HNRNPL: variants seen among roughly 807,000 people sequenced by gnomAD.
HNRNPL encodes epididymis secretory sperm binding protein.
In HNRNPL, 12 loss-of-function variants were observed where a neutral mutation model predicts 64.0. The observed-to-expected ratio is 0.19, with a 90% CI of 0.12 to 0.30. The LOEUF (loss-of-function observed/expected upper bound fraction) is 0.30, where lower values mean the gene tolerates loss of function less well. HNRNPL is among the 10% of genes least tolerant of loss of function. The pLI is 1.00. For missense variants in HNRNPL, 484 were observed against 797.4 expected (o/e 0.61, Z 4.73); for synonymous variants, 385 against 313.0 (o/e 1.23, Z -2.43).
At chr19:38,849,217 G>A (rs542154930) in intron 1 of HNRNPL, 21 of 162,788 alleles carry the variant, frequency 1.3e-4, no homozygotes, top group Non-Finnish European at 2.0e-4. Context: ...TTTCTGTATA[G>A]ACACAAGGCT....
At chr19:38,837,282 T>C in intron 12 of HNRNPL, 102 bp downstream of exon 12, 1 of 880,124 alleles carries the variant, frequency 1.1e-6, no homozygotes, top group Non-Finnish European at 1.9e-6. Flanking sequence ...AGTGCGAAGA[T>C]CCCGGGGTCC....
chr19:38,849,477 C>G, intron 1 of HNRNPL: 3 of 539,424 alleles, frequency 5.6e-6, no homozygotes, highest in Non-Finnish European at 8.4e-6. Context: ...GAGCTACTTC[C>G]TCTGCGCTCC....
At chr19:38,841,631 TGA>T (rs1180945186) in intron 6 of HNRNPL, 1 of 1,281,638 alleles carries the variant, frequency 7.8e-7, no homozygotes. Flanking sequence ...GCTTCAACAG[TGA>T]GTTAGCACAG....
intron 1 of HNRNPL, 188 bp downstream of exon 1, chr19:38,849,512 G>T: frequency 1.3e-6 from 1 of 773,780 alleles, no homozygotes; most frequent in Non-Finnish European, 1.8e-6. Context: ...CGGACCCCGC[G>T]CACGCGCAGG....
upstream of HNRNPL, among the ~76,000 whole-genome samples, chr19:38,851,621 G>A (rs1186338610): frequency 6.6e-6 from 1 of 152,224 alleles, no homozygotes; most frequent in African/African-American, 2.4e-5. Context: ...AATGGAGGCC[G>A]TGTGTGGTGG....
chr19:38,851,316 G>T (rs1006197915), upstream of HNRNPL, among the ~76,000 whole-genome samples: 1 of 152,240 alleles, frequency 6.6e-6, no homozygotes, highest in African/African-American at 2.4e-5. Flanking sequence ...GCGGAGCCTG[G>T]GGGGTGGAGA....
intron 10 of HNRNPL, 97 bp from the exon 11 acceptor site, chr19:38,837,748 TTTTCAGGAGA>T: frequency 9.7e-7 from 1 of 1,026,534 alleles, no homozygotes; most frequent in Non-Finnish European, 1.5e-6. Context: ...GTACTTGAAG[TTTTCAGGAGA>T]AAAGGCTTGT....
chr19:38,844,224 G>A (rs534954873), intron 4 of HNRNPL, 120 bp from the exon 5 acceptor site: 4 of 678,568 alleles, frequency 5.9e-6, no homozygotes, highest in Non-Finnish European at 7.8e-6. Flanking sequence ...GAAGCTTTGG[G>A]ATTAGCTCAC....
At chr19:38,840,972 C>T in intron 6 of HNRNPL, 1 of 204,122 alleles carries the variant, frequency 4.9e-6, no homozygotes, top group Non-Finnish European at 9.8e-6. Flanking sequence ...AAAATAACCC[C>T]AGAGGGAAGC....
At chr19:38,841,554 C>G in intron 6 of HNRNPL, 2 of 721,616 alleles carry the variant, frequency 2.8e-6, no homozygotes, top group South Asian at 2.9e-5. Flanking sequence ...CTACTTACAG[C>G]AGAAGTACAG....
rs886177840 is a variant in HNRNPL, at chr19:38,839,681, G to A, written c.1233+415C>T. ...CGGGTTTAATGTTAAGCAAAATGCC[G>A]CCTGGTCTCAGGTAGACACTCAGCC... On this transcript the variant is annotated intron_variant, in intron 8 of 12. Coordinates refer to ENST00000221419, the MANE Select transcript of HNRNPL (RefSeq NM_001533.3). The A allele has an allele frequency of 2.1e-5, 4 of 191,982 alleles. No individual in the cohort carries two copies. In the South Asian group the frequency reaches 2.5e-4, roughly 12 times the overall value. 11.9% of individuals were successfully genotyped at this position (191,982 alleles called of 1,614,324 possible).
chr19:38,849,598 G>C (rs890405583), intron 1 of HNRNPL, 102 bp downstream of exon 1: 14 of 1,272,160 alleles, frequency 1.1e-5, no homozygotes, highest in Non-Finnish European at 1.4e-5. Flanking sequence ...GCGATGGCCT[G>C]GGCGCGTGCG....
chr19:38,840,325 G>C lies in HNRNPL; in HGVS notation c.1004C>G (p.Pro335Arg), dbSNP rs1367670434. The C allele has an allele frequency of 1.3e-6, 2 of 1,545,048 alleles. No individual in the cohort carries two copies. Among genetic ancestry groups the C allele is most frequent in the South Asian group, 1.2e-5 (1 of 81,796 alleles). The change falls in exon 8 of 13, where the codon CCC (proline) becomes CGC (arginine). Residue 335 changes from proline (P) to arginine (R), a missense_variant. Pro to Arg is a moderately radical substitution (Grantham distance 103, BLOSUM62 -2). This residue lies in a region of HNRNPL where 46 missense variants were observed against 37.4 expected (regional missense o/e 1.23). Transcript: ENST00000221419. Reference sequence around the variant, plus strand: ...TCTCCCTTCGTAGTGAGGTGGGGGGGGCCCGTAGCCCTCATCATGGTAATG... The same window carrying C: ...TCTCCCTTCGTAGTGAGGTGGGGGGCGCCCGTAGCCCTCATCATGGTAATG... ...HSHYHDEGYG[P>R]PPPHYEGRRM...
At chr19:38,849,294 C>G (rs2145439600) in intron 1 of HNRNPL, 1 of 189,966 alleles carries the variant, frequency 5.3e-6, no homozygotes, top group Admixed American at 6.1e-5. Context: ...CGCCGCCCAC[C>G]CGTTCCCGCT....
At chr19:38,846,885 G>A (rs1401623034) in intron 2 of HNRNPL, among the ~76,000 whole-genome samples, 1 of 151,862 alleles carries the variant, frequency 6.6e-6, no homozygotes. Flanking sequence ...CAGCCTGGGC[G>A]ACAGAGCAAG....
chr19:38,845,588 C>T (rs186867044), intron 4 of HNRNPL, 62 bp downstream of exon 4: 5 of 1,341,672 alleles, frequency 3.7e-6, no homozygotes, highest in Non-Finnish European at 5.4e-6. Context: ...CAAAGAATGG[C>T]CACTGTCAAG....
rs759777913 is a variant in HNRNPL at position 38,840,309 on chromosome 19, G to A, written c.1020C>T (p.Tyr340=). 6.2e-5 allele frequency: 97 copies of A among 1,558,054 alleles called. No homozygotes were observed. The highest frequency in any genetic ancestry group is 1.2e-4 in the African/African-American group (9 of 73,842). Residue 340 remains tyrosine (Y), a synonymous_variant, in exon 8 of 13, where the codon TAC becomes TAT. Coordinates refer to ENST00000221419, the MANE Select transcript of HNRNPL (RefSeq NM_001533.3). ...DEGYGPPPPH[Y]EGRRMGPPVG... ...CTGGTGGACCCATCCTTCTCCCTTC[G>A]TAGTGAGGTGGGGGGGGCCCGTAGC... is the stretch of plus-strand genomic sequence containing the variant.
At chr19:38,845,400 A>T (rs1972259538) in intron 4 of HNRNPL, 1 of 489,550 alleles carries the variant, frequency 2.0e-6, no homozygotes, top group South Asian at 2.6e-5. Context: ...TAACAGAAAG[A>T]AAACAAAAAG....
At chr19:38,851,963 C>T (rs1346038346), upstream of HNRNPL, among the ~76,000 whole-genome samples, 2 of 151,742 alleles carry the variant, frequency 1.3e-5, no homozygotes, top group East Asian at 3.9e-4. Flanking sequence ...CGGGAGGAGG[C>T]CGGGCCGGTC....
Sources: allele counts gnomAD v4.1 joint callset (sites outside exome capture counted in the v4.1 genomes callset), GRCh38; gene constraint gnomAD v4.1.1; regional missense constraint gnomAD v4.1.1; transcripts MANE v1.5; gene names NCBI Gene and HGNC (gene_info 2026-07-23, HGNC 2026-07-21).